The following OR1J2 variants were observed in gnomAD, a reference collection of about 807,000 sequenced individuals.
The protein encoded by OR1J2 is olfactory receptor family 1 subfamily J member 2, also known as olfactory receptor 1J2.
For synonymous variants in OR1J2, 142 were observed against 99.7 expected, an observed-to-expected ratio of 1.42 and a Z score of -2.52; for missense variants, 304 against 246.1, an observed-to-expected ratio of 1.24 and a Z score of -1.57.
the OR1J2 span, among the ~76,000 whole-genome samples, chr9:122,536,320 A>G: frequency 2.6e-5 from 4 of 152,216 alleles, no homozygotes; most frequent in Non-Finnish European, 5.9e-5. Flanking sequence ...AAACAGTTCA[A>G]TGGCATATGA....
At chr9:122,536,767 T>A in the OR1J2 span, among the ~76,000 whole-genome samples, 1 of 152,172 alleles carries the variant, frequency 6.6e-6, no homozygotes, top group South Asian at 2.1e-4. Context: ...CCAGTTTCAT[T>A]CTTCTGTGTG....
the OR1J2 span, among the ~76,000 whole-genome samples, chr9:122,497,686 T>G: frequency 1.3e-5 from 2 of 152,194 alleles, no homozygotes; most frequent in African/African-American, 4.8e-5. Context: ...CTGATTTTGC[T>G]TATTTGTTTT....
At chr9:122,533,660 A>G in the OR1J2 span, among the ~76,000 whole-genome samples, 202 of 152,192 alleles carry the variant, frequency 1.3e-3, no homozygotes, top group African/African-American at 4.7e-3. Context: ...GCATAAAAGA[A>G]TGTTTTCTAA....
chr9:122,477,547 C>G, the OR1J2 span: 1 of 1,614,178 alleles, frequency 6.2e-7, no homozygotes, highest in African/African-American at 1.3e-5. Context: ...TAGAGGATGA[C>G]AGATGGCCAC....
At chr9:122,457,097 T>C in the OR1J2 span, among the ~76,000 whole-genome samples, 2 of 152,126 alleles carry the variant, frequency 1.3e-5, no homozygotes, top group Non-Finnish European at 2.9e-5. Flanking sequence ...TGGAAGCCAA[T>C]CTTCAGCAAA....
chr9:122,490,245 G>A, the OR1J2 span, among the ~76,000 whole-genome samples: 1 of 152,086 alleles, frequency 6.6e-6, no homozygotes, highest in African/African-American at 2.4e-5. Flanking sequence ...TAGATTACTG[G>A]GGAGGGAATA....
At chr9:122,562,579 T>C in the OR1J2 span, among the ~76,000 whole-genome samples, 1 of 152,138 alleles carries the variant, frequency 6.6e-6, no homozygotes, top group Non-Finnish European at 1.5e-5. Flanking sequence ...CCCTGCCCTG[T>C]GTGGCTCTCA....
At chr9:122,455,232 A>G in the OR1J2 span, among the ~76,000 whole-genome samples, 1 of 152,218 alleles carries the variant, frequency 6.6e-6, no homozygotes, top group Non-Finnish European at 1.5e-5. Flanking sequence ...TTAGGTATAC[A>G]TCTAGGGGTA....
At chr9:122,556,884 A>G in the OR1J2 span, among the ~76,000 whole-genome samples, 4 of 151,986 alleles carry the variant, frequency 2.6e-5, no homozygotes, top group African/African-American at 4.8e-5. Flanking sequence ...ATACATGAAC[A>G]TGGAATATCT....
chr9:122,501,537 GT>G, the OR1J2 span, among the ~76,000 whole-genome samples: 1 of 152,092 alleles, frequency 6.6e-6, no homozygotes, highest in South Asian at 2.1e-4. Flanking sequence ...CTATAAAACA[GT>G]TTATATCTTA....
chr9:122,508,161 GAGAAGGAGA>G (rs1190963471), upstream of OR1J2, among the ~76,000 whole-genome samples: 2 of 150,074 alleles, frequency 1.3e-5, no homozygotes, highest in Non-Finnish European at 3.0e-5. Context: ...AGAGAGAAAG[GAGAAGGAGA>G]AGAAGGAGAA....
chr9:122,576,384 G>C, the OR1J2 span, among the ~76,000 whole-genome samples: 2 of 132,018 alleles, frequency 1.5e-5, no homozygotes, highest in African/African-American at 3.1e-5. Context: ...ACCACGCCCA[G>C]CTAATTTTTT....
At chr9:122,466,985 A>AT in the OR1J2 span, among the ~76,000 whole-genome samples, 2 of 151,750 alleles carry the variant, frequency 1.3e-5, no homozygotes, top group Admixed American at 6.6e-5. Flanking sequence ...TGCCCAGCTA[A>AT]TTTTTTTGTA....
chr9:122,538,046 G>T, the OR1J2 span, among the ~76,000 whole-genome samples: 1 of 152,076 alleles, frequency 6.6e-6, no homozygotes, highest in Non-Finnish European at 1.5e-5. Context: ...TGTGTCGGGG[G>T]ATGGAATTTT....
the OR1J2 span, among the ~76,000 whole-genome samples, chr9:122,550,009 T>C: frequency 1.2e-4 from 19 of 152,166 alleles, no homozygotes; most frequent in Admixed American, 2.6e-4. Flanking sequence ...TGTTTTTCCA[T>C]TTATTCGTGT....
At chr9:122,544,571 C>T in the OR1J2 span, among the ~76,000 whole-genome samples, 1 of 151,996 alleles carries the variant, frequency 6.6e-6, no homozygotes, top group East Asian at 1.9e-4. Flanking sequence ...CAGGCATGTG[C>T]CACTATGCCT....
the OR1J2 span, among the ~76,000 whole-genome samples, chr9:122,500,269 A>G: frequency 7.2e-5 from 11 of 152,322 alleles, no homozygotes; most frequent in African/African-American, 2.6e-4. Flanking sequence ...TGAGAGAAGC[A>G]AAATTGTCTC....
At chr9:122,516,200 C>T (rs1429723861), downstream of OR1J2, among the ~76,000 whole-genome samples, 1 of 151,888 alleles carries the variant, frequency 6.6e-6, no homozygotes, top group Admixed American at 6.6e-5. Flanking sequence ...TACTATAATA[C>T]ACAACCTCAC....
chr9:122,455,570 T>C, the OR1J2 span, among the ~76,000 whole-genome samples: 1 of 152,212 alleles, frequency 6.6e-6, no homozygotes, highest in African/African-American at 2.4e-5. Flanking sequence ...TGTTGAGTTA[T>C]AAGAGCTCTT....
Sources: gnomAD v4.1 joint callset for allele counts (sites outside exome capture counted in the v4.1 genomes callset) on GRCh38, gnomAD v4.1.1 for gene constraint, MANE v1.5 for transcripts, NCBI Gene and HGNC (gene_info 2026-07-23, HGNC 2026-07-21) for gene names.